Variants in VAV1 observed in about 807,000 individuals in gnomAD.
The protein encoded by VAV1 is vav guanine nucleotide exchange factor 1, also known as proto-oncogene vav.
VAV1 carries 33 observed loss-of-function variants against 128.1 expected under a neutral mutation model. The ratio of observed to expected loss-of-function variants is 0.26; its 90% confidence interval spans 0.20 to 0.34. The LOEUF is 0.34. VAV1 is among the 10% of genes least tolerant of loss of function. The pLI is 1.00. For missense variants in VAV1, 715 were observed against 1,093.7 expected (o/e 0.65, Z 4.88); for synonymous variants, 394 against 409.8 (o/e 0.96, Z 0.47).
intron 14 of VAV1, among the ~76,000 whole-genome samples, chr19:6,830,593 C>A (rs552084554): frequency 2.6e-5 from 4 of 152,052 alleles, no homozygotes; most frequent in Admixed American, 1.3e-4. Context: ...GCACCCACCA[C>A]CATGCCCAGC....
Position 6,822,374 on chromosome 19 carries a change from G to A in VAV1, c.558+45G>A, listed in dbSNP as rs371561779. 21 of 1,553,324 alleles carry A rather than the reference G, an allele frequency of 1.4e-5. No homozygotes were observed. The African/African-American group carries it at 2.4e-4, about 18-fold the overall frequency. ...GGGCCTGGGGAGGGCGTGGGCGGGG[G>A]GCAGCCCCAGGCCCCCCAACACCGG... is the stretch of plus-strand genomic sequence containing the variant. On this transcript the variant is annotated intron_variant, in intron 5 of 26. Transcript: ENST00000602142. This position sits in a 1 kb window ranked among gnomAD's most constrained non-coding sequence, Gnocchi z 5.9.
chr19:6,837,444 C>T (rs1972250229), intron 21 of VAV1, among the ~76,000 whole-genome samples: 1 of 152,016 alleles, frequency 6.6e-6, no homozygotes, highest in South Asian at 2.1e-4. Context: ...TCCACTCCAG[C>T]CTCTGCTGTT....
intron 21 of VAV1, among the ~76,000 whole-genome samples, chr19:6,841,241 T>A (rs1158366659): frequency 1.3e-5 from 2 of 152,062 alleles, no homozygotes; most frequent in African/African-American, 4.8e-5. Context: ...AGGCTAATAT[T>A]CCATGGTATG....
At chr19:6,782,838 G>A (rs924636415) in intron 1 of VAV1, among the ~76,000 whole-genome samples, 15 of 151,100 alleles carry the variant, frequency 9.9e-5, no homozygotes, top group African/African-American at 1.2e-4. Flanking sequence ...GCTATAGATC[G>A]CGCCGCTGCA....
At chr19:6,850,264 T>C (rs962513499) in intron 23 of VAV1, among the ~76,000 whole-genome samples, 2 of 123,580 alleles carry the variant, frequency 1.6e-5, no homozygotes, top group Non-Finnish European at 3.3e-5. Flanking sequence ...GTTTGCCAGA[T>C]GAGCAGGAGT....
rs1970665453 is a variant in VAV1, at chr19:6,777,239, AT to A, written c.204+4229del. On this transcript the variant is annotated intron_variant, in intron 1 of 26. Transcript: ENST00000602142. The surrounding 1 kb of genome is among the most constrained non-coding windows in gnomAD (Gnocchi z 4.4). ...CATCCATTTATCTGTTTAACTATCC[AT>A]CCATCCATCCATCCATCCATCCATC... Among the ~76,000 whole-genome samples, 1 of 636 alleles carries A rather than the reference AT, an allele frequency of 1.6e-3. No homozygotes were observed. Among genetic ancestry groups the A allele is most frequent in the Non-Finnish European group, 4.2e-3 (1 of 238 alleles). The allele number at this position is 636 out of a possible 152,430, so 0.4% of individuals were successfully genotyped here.
chr19:6,848,778 TTTTAA>T (rs1230201281), intron 23 of VAV1, among the ~76,000 whole-genome samples: 2 of 151,422 alleles, frequency 1.3e-5, no homozygotes, highest in Non-Finnish European at 2.9e-5. Flanking sequence ...TTTCTAATTT[TTTTAA>T]TTTAATTTTA....
Position 6,777,106 on chromosome 19 carries a change from A to G in VAV1, c.204+4095A>G, listed in dbSNP as rs1395854355. ...TGCCCACCCACCCATCCATCCATCT[A>G]CTCATCCATCCATCCATCCATCCAT... On this transcript the variant is annotated intron_variant, in intron 1 of 26. Transcript: ENST00000602142. This position sits in a 1 kb window ranked among gnomAD's most constrained non-coding sequence, Gnocchi z 4.4. Among the ~76,000 whole-genome samples, 1 of 149,978 alleles carries G rather than the reference A, an allele frequency of 6.7e-6. No homozygotes were observed. Among genetic ancestry groups the G allele is most frequent in the East Asian group, 2.0e-4 (1 of 5,072 alleles).
chr19:6,821,978 C>T (rs1195640476), intron 4 of VAV1, 119 bp downstream of exon 4: 5 of 1,384,662 alleles, frequency 3.6e-6, no homozygotes, highest in Admixed American at 1.7e-5. Context: ...GTCTGGGGCA[C>T]ACAACCTTGC....
At chr19:6,834,400 C>A (rs983953837) in intron 19 of VAV1, among the ~76,000 whole-genome samples, 1 of 151,290 alleles carries the variant, frequency 6.6e-6, no homozygotes, top group Non-Finnish European at 1.5e-5. Flanking sequence ...CATGTCACCA[C>A]GCTCGGCTAA....
At chr19:6,833,491 G>T (rs759450110) in intron 16 of VAV1, 37 bp from the exon 17 acceptor site, 14 of 1,554,620 alleles carry the variant, frequency 9.0e-6, no homozygotes, top group African/African-American at 1.4e-5. Flanking sequence ...GTCTGTAAAG[G>T]TCACTCGCTC....
chr19:6,832,393 TCAGTTAC>T (rs1403681536), intron 15 of VAV1, among the ~76,000 whole-genome samples, 193 bp downstream of exon 15: 1 of 152,108 alleles, frequency 6.6e-6, no homozygotes, highest in East Asian at 1.9e-4. Context: ...TGTGCAAGCT[TCAGTTAC>T]CAGCCCAGAC....
intron 1 of VAV1, among the ~76,000 whole-genome samples, chr19:6,790,851 G>T (rs1159531968): frequency 6.6e-6 from 1 of 152,206 alleles, no homozygotes; most frequent in Admixed American, 6.5e-5. Context: ...TCTTTGCCAT[G>T]GAAGGGGGCA....
At chr19:6,835,273 A>T in intron 19 of VAV1, among the ~76,000 whole-genome samples, 1 of 151,930 alleles carries the variant, frequency 6.6e-6, no homozygotes, top group East Asian at 1.9e-4. Flanking sequence ...GAGGAAATAC[A>T]TACTTTAAGG....
intron 1 of VAV1, among the ~76,000 whole-genome samples, chr19:6,805,491 C>T (rs1971372882): frequency 6.6e-6 from 1 of 151,520 alleles, no homozygotes; most frequent in South Asian, 2.1e-4. Flanking sequence ...TCTGTAATCC[C>T]AGGACCTTAG....
intron 23 of VAV1, among the ~76,000 whole-genome samples, chr19:6,849,439 G>A (rs777650310): frequency 7.1e-6 from 1 of 141,304 alleles, no homozygotes; most frequent in Admixed American, 7.6e-5. Flanking sequence ...ACAGGTGCAC[G>A]TCACCATGCC....
chr19:6,800,218 C>T (rs1971235665), intron 1 of VAV1, among the ~76,000 whole-genome samples: 2 of 151,942 alleles, frequency 1.3e-5, no homozygotes, highest in Non-Finnish European at 2.9e-5. Flanking sequence ...ATAGTAATAA[C>T]AAGGAAAACG....
At chr19:6,849,656 C>G (rs1972617399) in intron 23 of VAV1, among the ~76,000 whole-genome samples, 1 of 152,082 alleles carries the variant, frequency 6.6e-6, no homozygotes. Context: ...CAATGTTTAA[C>G]CCCTGCTTAT....
rs1276019160 is a variant in VAV1, at chr19:6,828,033, C to T, written c.928-43C>T. 9 of 1,587,120 alleles carry T rather than the reference C, an allele frequency of 5.7e-6. No homozygotes were observed. Among genetic ancestry groups the T allele is most frequent in the Non-Finnish European group, 7.8e-6 (9 of 1,155,684 alleles). ...GCACCCACCCTGCAACTGGCTGTTT[C>T]TGGGACCTGCCTCAGTTTCCCCATT... On this transcript the variant is annotated intron_variant, in intron 9 of 26. Coordinates refer to ENST00000602142, the MANE Select transcript of VAV1 (RefSeq NM_005428.4). This position sits in a 1 kb window ranked among gnomAD's most constrained non-coding sequence, Gnocchi z 4.5.
Sources: gnomAD v4.1 joint callset for allele counts (sites outside exome capture counted in the v4.1 genomes callset) on GRCh38, gnomAD v4.1.1 for gene constraint, Gnocchi (gnomAD v3.1) non-coding constraint, MANE v1.5 for transcripts, NCBI Gene and HGNC (gene_info 2026-07-23, HGNC 2026-07-21) for gene names.